The following ZNF292 variants were observed in gnomAD, a reference collection of about 807,000 sequenced individuals.
ZNF292 encodes the protein 16 zinc-finger domain protein.
In ZNF292, 26 loss-of-function variants were observed where a neutral mutation model predicts 217.9. The observed-to-expected ratio is 0.12, with a 90% confidence interval of 0.09 to 0.17. ZNF292 has a LOEUF of 0.17. Ranked by LOEUF, ZNF292 falls within the 10% of genes least tolerant of loss-of-function variation. The pLI is 1.00. For synonymous variants in ZNF292, 1,257 were observed against 1,124.1 expected, an observed-to-expected ratio of 1.12 and a Z score of -2.37; for missense variants, 2,904 against 3,175.2, an observed-to-expected ratio of 0.91 and a Z score of 2.05.
At chr6:87,166,040 G>GA in intron 1 of ZNF292, among the ~76,000 whole-genome samples, 1 of 152,168 alleles carries the variant, frequency 6.6e-6, no homozygotes. Flanking sequence ...TTACAGGCGG[G>GA]AGCCCTGTCA....
At chr6:87,193,839 TA>T (rs1408328554) in intron 1 of ZNF292, among the ~76,000 whole-genome samples, 1 of 152,234 alleles carries the variant, frequency 6.6e-6, no homozygotes, top group Non-Finnish European at 1.5e-5. Context: ...CATTAATGTG[TA>T]TGCAGATATT....
chr6:87,243,865 A>G (rs1329652282), intron 6 of ZNF292, among the ~76,000 whole-genome samples: 44 of 152,224 alleles, frequency 2.9e-4, no homozygotes, highest in Admixed American at 2.9e-3. Flanking sequence ...TAAGTGTTAG[A>G]AAGTGAAAGA....
At chr6:87,159,563 C>T (rs546172893) in intron 1 of ZNF292, among the ~76,000 whole-genome samples, 16 of 148,352 alleles carry the variant, frequency 1.1e-4, no homozygotes, top group Middle Eastern at 7.0e-3. Context: ...TGTGCAATGG[C>T]GCAATCTGGG....
intron 1 of ZNF292, among the ~76,000 whole-genome samples, chr6:87,164,373 C>T (rs1235790865): frequency 6.6e-6 from 1 of 152,162 alleles, no homozygotes; most frequent in African/African-American, 2.4e-5. Context: ...TATGCCCCTC[C>T]TGGTGTCATA....
In ZNF292 at chr6:87,188,110, C is replaced by T. The variant is rs368963663; in HGVS notation, c.169-27793C>T. Among the ~76,000 whole-genome samples the T allele has an allele frequency of 7.9e-5, 12 of 152,272 alleles. 1 individual carries two copies. The East Asian group carries it at 1.9e-3, about 24-fold the overall frequency. ...ACTGTATGAGCCAAATAAAACATGC[C>T]TGGGGAATTTATTCTTAGATATTTT... On this transcript the variant is annotated intron_variant, in intron 1 of 7. Transcript: ENST00000369577.
intron 5 of ZNF292, 43 bp from the exon 6 acceptor site, chr6:87,243,432 A>G (rs763183272): frequency 2.0e-6 from 3 of 1,499,454 alleles, no homozygotes; most frequent in African/African-American, 1.4e-5. Context: ...ATATTCTAAT[A>G]TAAAACCATT....
intron 7 of ZNF292, among the ~76,000 whole-genome samples, chr6:87,245,924 A>G (rs925985444): frequency 1.3e-5 from 2 of 152,198 alleles, no homozygotes; most frequent in African/African-American, 2.4e-5. Context: ...CTACTTTGAT[A>G]ATTTGGCTAT....
intron 1 of ZNF292, among the ~76,000 whole-genome samples, chr6:87,175,341 G>GA (rs1219646670): frequency 6.6e-6 from 1 of 152,098 alleles, no homozygotes; most frequent in Non-Finnish European, 1.5e-5. Context: ...CCATACAAAA[G>GA]AAAATGTTCT....
intron 1 of ZNF292, chr6:87,170,489 A>G (rs371508098): frequency 6.6e-6 from 1 of 152,238 alleles, no homozygotes; most frequent in African/African-American, 2.4e-5. Flanking sequence ...TATGTTGGCA[A>G]TAAATTGATC....
intron 4 of ZNF292, among the ~76,000 whole-genome samples, chr6:87,227,172 A>G (rs1303617641): frequency 6.6e-6 from 1 of 152,196 alleles, no homozygotes; most frequent in East Asian, 1.9e-4. Flanking sequence ...GGAAAGGGTA[A>G]GAGGTGGGGT....
chr6:87,254,685 G>T lies in ZNF292; in HGVS notation c.1056G>T (p.Leu352=). ...EGAGLATCIE[L]CVKALRLEST... ...CTGGACTTGCTACCTGTATAGAACT[G>T]TGTGTAAAGGCTCTTCGCTTGGAGT... The change falls in exon 8 of 8, where the codon CTG becomes CTT. Residue 352 remains leucine (L), a synonymous_variant. Coordinates refer to ENST00000369577, the MANE Select transcript of ZNF292 (RefSeq NM_015021.3). 1 of 1,613,740 alleles carries T rather than the reference G, an allele frequency of 6.2e-7. No individual in the cohort carries two copies.
chr6:87,186,285 A>T (rs1771650225), intron 1 of ZNF292, among the ~76,000 whole-genome samples: 1 of 152,242 alleles, frequency 6.6e-6, no homozygotes, highest in South Asian at 2.1e-4. Context: ...ATTCACAGTA[A>T]AACTGTAATG....
chr6:87,221,790 C>A (rs1773093723), intron 4 of ZNF292, among the ~76,000 whole-genome samples: 1 of 152,090 alleles, frequency 6.6e-6, no homozygotes, highest in East Asian at 1.9e-4. Flanking sequence ...TTTTGTAGTT[C>A]TCTTAAATGT....
At chr6:87,244,826 T>A (rs111515062) in intron 6 of ZNF292, among the ~76,000 whole-genome samples, 2,065 of 152,094 alleles carry the variant, frequency 0.014, 46 homozygotes, top group African/African-American at 0.046. Flanking sequence ...TTGATTTTTT[T>A]TATATATATA....
chr6:87,162,929 A>G (rs914678002), intron 1 of ZNF292, among the ~76,000 whole-genome samples: 2 of 152,204 alleles, frequency 1.3e-5, no homozygotes, highest in African/African-American at 4.8e-5. Flanking sequence ...GTAAAATGGA[A>G]AGTTTGCTTT....
intron 7 of ZNF292, among the ~76,000 whole-genome samples, chr6:87,246,216 G>GC (rs1372856867): frequency 6.6e-6 from 1 of 152,158 alleles, no homozygotes; most frequent in East Asian, 1.9e-4. Context: ...GGGCAACAGA[G>GC]CGAGACTCCA....
At chr6:87,194,589 G>C (rs1359509253) in intron 1 of ZNF292, among the ~76,000 whole-genome samples, 1 of 152,024 alleles carries the variant, frequency 6.6e-6, no homozygotes, top group Non-Finnish European at 1.5e-5. Flanking sequence ...ACAAGAAATG[G>C]TGGATTTCCA....
intron 1 of ZNF292, 134 bp downstream of exon 1, chr6:87,155,893 T>A: frequency 8.6e-7 from 1 of 1,162,280 alleles, no homozygotes; most frequent in Non-Finnish European, 1.2e-6. Flanking sequence ...GGAGCGGGAG[T>A]AGAAGGAAGG....
chr6:87,236,096 C>T (rs1773892109), intron 5 of ZNF292, among the ~76,000 whole-genome samples: 2 of 152,220 alleles, frequency 1.3e-5, no homozygotes, highest in Non-Finnish European at 2.9e-5. Flanking sequence ...AGAGACATTG[C>T]CCCCTTTAGA....
Sources: allele counts gnomAD v4.1 joint callset (sites outside exome capture counted in the v4.1 genomes callset), GRCh38; gene constraint gnomAD v4.1.1; transcripts MANE v1.5; gene names NCBI Gene and HGNC (gene_info 2026-07-23, HGNC 2026-07-21).